ZFYVE28: variants seen among roughly 807,000 people sequenced by gnomAD.
The protein encoded by ZFYVE28 is lateral signaling target protein 2 homolog.
A neutral mutation model predicts 82.1 loss-of-function variants in ZFYVE28; 40 were observed. The ratio of observed to expected loss-of-function variants is 0.49; its 90% CI spans 0.38 to 0.63. The LOEUF is 0.63. Ranked by LOEUF, ZFYVE28 falls within the 30% of genes least tolerant of loss-of-function variation. The pLI is 0.00. For synonymous variants in ZFYVE28, 612 were observed against 546.1 expected (o/e 1.12, Z -1.68); for missense variants, 1,321 against 1,242.1 (o/e 1.06, Z -0.96).
chr4:2,376,671 G>A (rs1157308025), intron 1 of ZFYVE28, among the ~76,000 whole-genome samples: 2 of 152,252 alleles, frequency 1.3e-5, no homozygotes, highest in East Asian at 1.9e-4. Context: ...GGGGGGAACT[G>A]CCCCCTTGAT....
At chr4:2,277,489 T>A (rs2108800920) in intron 8 of ZFYVE28, among the ~76,000 whole-genome samples, 1 of 152,008 alleles carries the variant, frequency 6.6e-6, no homozygotes, top group East Asian at 1.9e-4. Flanking sequence ...CAAAAAAATA[T>A]AAATAAATAA....
chr4:2,308,780 G>A (rs1423121193), intron 7 of ZFYVE28, among the ~76,000 whole-genome samples: 1 of 151,970 alleles, frequency 6.6e-6, no homozygotes, highest in Non-Finnish European at 1.5e-5. Context: ...AGGGAGGAAG[G>A]AAGGAAGCTA....
intron 1 of ZFYVE28, among the ~76,000 whole-genome samples, chr4:2,386,545 C>T (rs1729277097): frequency 6.6e-6 from 1 of 152,144 alleles, no homozygotes; most frequent in Non-Finnish European, 1.5e-5. Flanking sequence ...TGAATCCAGC[C>T]GTTTGTGGAC....
At chr4:2,289,979 GGACA>G (rs1293381046) in intron 8 of ZFYVE28, among the ~76,000 whole-genome samples, 1 of 152,152 alleles carries the variant, frequency 6.6e-6, no homozygotes, top group Non-Finnish European at 1.5e-5. Flanking sequence ...CTCAGGGGGA[GGACA>G]GACACAGACA....
chr4:2,273,088 G>T lies in ZFYVE28; in HGVS notation c.2323+85C>A. ...GACCCTATCTCCCCAGGGCCAGAAG[G>T]TGTGGATTTCTGAGCACCCCTCCCT... On this transcript the variant is annotated intron_variant, in intron 10 of 12. Coordinates refer to ENST00000290974, the MANE Select transcript of ZFYVE28 (RefSeq NM_020972.3). 12 of 1,121,254 alleles carry T rather than the reference G, an allele frequency of 1.1e-5. No homozygotes were observed. In the South Asian group the frequency reaches 1.3e-4, roughly 12 times the overall value. 69.5% of individuals were successfully genotyped at this position (1,121,254 alleles called of 1,614,324 possible).
At chr4:2,406,073 A>AGAAAGAAAG (rs2108681008) in intron 1 of ZFYVE28, among the ~76,000 whole-genome samples, 1 of 146,820 alleles carries the variant, frequency 6.8e-6, no homozygotes, top group African/African-American at 2.5e-5. Flanking sequence ...AAAGAAAGAA[A>AGAAAGAAAG]GAAAGGAAAG....
chr4:2,365,625 C>G (rs1013225171), intron 1 of ZFYVE28, among the ~76,000 whole-genome samples: 3 of 152,148 alleles, frequency 2.0e-5, no homozygotes, highest in African/African-American at 7.2e-5. Flanking sequence ...CCGCTCCGGC[C>G]TGGGTGGAAC....
intron 8 of ZFYVE28, among the ~76,000 whole-genome samples, chr4:2,277,340 C>T (rs1310526897): frequency 3.9e-5 from 6 of 152,176 alleles, no homozygotes; most frequent in East Asian, 3.9e-4. Context: ...ATTAGCCGGG[C>T]GTGGCGGCGT....
Position 2,367,589 on chromosome 4 carries a change from G to A in ZFYVE28, c.40-13516C>T, listed in dbSNP as rs192915566. On this transcript the variant is annotated intron_variant, in intron 1 of 12. Coordinates refer to ENST00000290974, the MANE Select transcript of ZFYVE28 (RefSeq NM_020972.3). ...TTTGCTAAGAGCTCACAAGAACTGG[G>A]CTTGTTCCTTTAATCAGAGGAGCAA... Among the ~76,000 whole-genome samples the A allele has an allele frequency of 2.6e-3, 394 of 152,384 alleles. 3 individuals are homozygous for A. Among genetic ancestry groups the A allele is most frequent in the African/African-American group, 7.8e-3 (324 of 41,592 alleles).
intron 9 of ZFYVE28, among the ~76,000 whole-genome samples, chr4:2,273,498 G>A (rs926927863): frequency 6.6e-6 from 1 of 152,210 alleles, no homozygotes; most frequent in Non-Finnish European, 1.5e-5. Flanking sequence ...ATCAGGGGAA[G>A]GGAGACGACC....
At chr4:2,324,255 G>A (rs1719541127) in intron 6 of ZFYVE28, among the ~76,000 whole-genome samples, 1 of 152,024 alleles carries the variant, frequency 6.6e-6, no homozygotes, top group African/African-American at 2.4e-5. Flanking sequence ...TTTCTCTCAG[G>A]GCCTTCCATT....
chr4:2,364,492 G>T, intron 1 of ZFYVE28: 1 of 985,484 alleles, frequency 1.0e-6, no homozygotes, highest in Non-Finnish European at 1.2e-6. Context: ...TTACCCAGAG[G>T]GTGGCTGTGC....
chr4:2,308,549 A>G (rs1457081904), intron 7 of ZFYVE28, among the ~76,000 whole-genome samples: 5 of 149,714 alleles, frequency 3.3e-5, no homozygotes, highest in African/African-American at 1.2e-4. Context: ...GAGAGAATGC[A>G]GAAAGAAAGA....
intron 8 of ZFYVE28, among the ~76,000 whole-genome samples, chr4:2,281,653 C>G (rs187962932): frequency 2.4e-4 from 37 of 152,358 alleles, no homozygotes; most frequent in Non-Finnish European, 5.1e-4. Flanking sequence ...TCCCCCCTCT[C>G]AACGCTGTTG....
Position 2,376,925 on chromosome 4 carries a change from C to CA in ZFYVE28, c.40-22853dup, listed in dbSNP as rs200306981. Among the ~76,000 whole-genome samples, 715 of 150,516 alleles carry CA rather than the reference C, an allele frequency of 4.8e-3. 4 individuals are homozygous for CA. Among genetic ancestry groups the CA allele is most frequent in the African/African-American group, 0.017 (683 of 40,940 alleles). ...CAGGCAACAGAGCGAGACCCTGTCT[C>CA]AAAAAAAATAAATAAATAAAATAAA... On this transcript the variant is annotated intron_variant, in intron 1 of 12. Coordinates refer to ENST00000290974, the MANE Select transcript of ZFYVE28 (RefSeq NM_020972.3).
At chr4:2,365,664 C>G (rs1361404216) in intron 1 of ZFYVE28, among the ~76,000 whole-genome samples, 1 of 152,132 alleles carries the variant, frequency 6.6e-6, no homozygotes, top group East Asian at 1.9e-4. Flanking sequence ...TGGAAGACGG[C>G]CAGCACTGGC....
At chr4:2,356,442 G>A (rs1237203363) in intron 1 of ZFYVE28, among the ~76,000 whole-genome samples, 1 of 30,026 alleles carries the variant, frequency 3.3e-5, no homozygotes, top group East Asian at 1.6e-3. Flanking sequence ...CTCCCCGGCC[G>A]TTGATGTGCC....
chr4:2,288,083 C>T (rs888324436), intron 8 of ZFYVE28, among the ~76,000 whole-genome samples: 1 of 152,166 alleles, frequency 6.6e-6, no homozygotes, highest in African/African-American at 2.4e-5. Flanking sequence ...AAGCAACTGG[C>T]CTGTGGTCAG....
rs1296528925 is a variant in ZFYVE28 at position 2,390,253 on chromosome 4, C to T, written c.39+28032G>A. On this transcript the variant is annotated intron_variant, in intron 1 of 12. Coordinates refer to ENST00000290974, the MANE Select transcript of ZFYVE28 (RefSeq NM_020972.3). Reference sequence around the variant, plus strand: ...AGGCTGCAGGGGCACAGAGCAGGTCCTCCCTCAGAGGTTCCAAGAGGAACC... The same window carrying T: ...AGGCTGCAGGGGCACAGAGCAGGTCTTCCCTCAGAGGTTCCAAGAGGAACC... 5.3e-5 allele frequency among the ~76,000 whole-genome samples: 8 copies of T among 152,240 alleles called. 1 individual carries two copies. Among genetic ancestry groups the T allele is most frequent in the African/African-American group, 1.9e-4 (8 of 41,460 alleles).
Sources: gnomAD v4.1 joint callset for allele counts (sites outside exome capture counted in the v4.1 genomes callset) on GRCh38, gnomAD v4.1.1 for gene constraint, MANE v1.5 for transcripts, NCBI Gene and HGNC (gene_info 2026-07-23, HGNC 2026-07-21) for gene names.